KIF16B: variants seen among roughly 807,000 people sequenced by gnomAD.
The protein encoded by KIF16B is kinesin family member 16B.
KIF16B carries 98 observed loss-of-function variants against 156.3 expected under a neutral mutation model. That is an observed-to-expected ratio of 0.63 (90% confidence interval 0.53 to 0.74). KIF16B has a LOEUF of 0.74. KIF16B is among the 30% of genes least tolerant of loss of function. The pLI is 0.00. For missense variants in KIF16B, 1,421 were observed against 1,606.5 expected, an observed-to-expected ratio of 0.88 and a Z score of 1.97; for synonymous variants, 564 against 583.7, an observed-to-expected ratio of 0.97 and a Z score of 0.49.
At chr20:16,364,148 C>A (rs2064608011) in intron 22 of KIF16B, among the ~76,000 whole-genome samples, 1 of 152,158 alleles carries the variant, frequency 6.6e-6, no homozygotes, top group African/African-American at 2.4e-5. Context: ...GGGATGCATG[C>A]ACATTTTTAA....
intron 1 of KIF16B, among the ~76,000 whole-genome samples, chr20:16,537,551 G>A (rs1316057325): frequency 2.0e-5 from 3 of 151,538 alleles, no homozygotes; most frequent in African/African-American, 7.3e-5. Flanking sequence ...TTAAACAAAT[G>A]GCTCTTACCC....
At chr20:16,283,356 A>C (rs757392812) in intron 25 of KIF16B, among the ~76,000 whole-genome samples, 4 of 152,118 alleles carry the variant, frequency 2.6e-5, no homozygotes, top group Non-Finnish European at 5.9e-5. Context: ...CCCTCTTTGC[A>C]CAGAGCCTGG....
chr20:16,396,470 A>G (rs1456048765), intron 17 of KIF16B, among the ~76,000 whole-genome samples: 1 of 152,072 alleles, frequency 6.6e-6, no homozygotes, highest in Non-Finnish European at 1.5e-5. Context: ...CTAAAGTCCA[A>G]TATTAATCCA....
At chr20:16,500,343 T>C (rs1282288782) in intron 10 of KIF16B, among the ~76,000 whole-genome samples, 1 of 152,164 alleles carries the variant, frequency 6.6e-6, no homozygotes, top group African/African-American at 2.4e-5. Flanking sequence ...TGTTATGATG[T>C]TGTCTTATGT....
At chr20:16,410,049 T>TACATATATATATATGTA (rs1568948368) in intron 15 of KIF16B, among the ~76,000 whole-genome samples, 3 of 31,008 alleles carry the variant, frequency 9.7e-5, no homozygotes, top group Admixed American at 3.8e-4. Flanking sequence ...ATATATATGT[T>TACATATATATATATGTA]GGTACATATA....
At chr20:16,305,956 T>C (rs1305336852) in intron 25 of KIF16B, among the ~76,000 whole-genome samples, 1 of 152,186 alleles carries the variant, frequency 6.6e-6, no homozygotes, top group Non-Finnish European at 1.5e-5. Context: ...TTATCAATCA[T>C]GTTTTAAACC....
At chr20:16,477,997 G>A (rs2067867069) in intron 12 of KIF16B, among the ~76,000 whole-genome samples, 1 of 152,166 alleles carries the variant, frequency 6.6e-6, no homozygotes, top group African/African-American at 2.4e-5. Flanking sequence ...GACCTCAGAA[G>A]GTACCGATGG....
chr20:16,355,441 G>T (rs1005246102), intron 23 of KIF16B, among the ~76,000 whole-genome samples: 1 of 152,186 alleles, frequency 6.6e-6, no homozygotes, highest in Non-Finnish European at 1.5e-5. Context: ...AATTGCAGCG[G>T]GGTCACAGTC....
chr20:16,469,561 TAAA>T (rs368181137), intron 12 of KIF16B, among the ~76,000 whole-genome samples: 16 of 110,294 alleles, frequency 1.5e-4, no homozygotes, highest in African/African-American at 1.4e-4. Context: ...CCACCTTAAC[TAAA>T]AAAAAAAAAA....
In KIF16B at chr20:16,379,344, C is replaced by G. The variant is rs141333019; in HGVS notation, c.2658G>C (p.Thr886=). The G allele has an allele frequency of 3.1e-6, 5 of 1,605,516 alleles. No homozygotes were observed. Among genetic ancestry groups the G allele is most frequent in the Non-Finnish European group, 2.5e-6 (3 of 1,176,608 alleles). ...EKHDESVTDV[T]EVPQDFEKIK... is the part of the protein sequence containing the mutation. ...TTTTCTCGAAATCTTGAGGCACTTC[C>G]GTGACATCTGTGACACTCTCATCAT... Residue 886 remains threonine, a synonymous_variant, in exon 19 of 26, where the codon ACG becomes ACC. Transcript: ENST00000354981.
intron 25 of KIF16B, among the ~76,000 whole-genome samples, chr20:16,280,555 C>T (rs1377358558): frequency 6.6e-6 from 1 of 152,164 alleles, no homozygotes; most frequent in African/African-American, 2.4e-5. Flanking sequence ...ATGTGAGCCC[C>T]TAAGACACCC....
rs765352635 is a variant in KIF16B, at chr20:16,505,862, A to G, written c.869-9T>C. 6.2e-7 allele frequency: 1 copy of G among 1,613,366 alleles called. No homozygotes were observed. The highest frequency in any genetic ancestry group is 1.1e-5 in the South Asian group (1 of 90,872). ...ATCCTGAGATAAATCAGCTATGAAA[A>G]GGAAGAAACAAAGGGGAGAAAGGAC... On this transcript the variant is annotated splice_polypyrimidine_tract_variant and intron_variant, in intron 8 of 25. Coordinates refer to ENST00000354981, the MANE Select transcript of KIF16B (RefSeq NM_024704.5).
At chr20:16,313,610 A>G (rs895534817) in intron 24 of KIF16B, among the ~76,000 whole-genome samples, 2 of 152,110 alleles carry the variant, frequency 1.3e-5, no homozygotes, top group Admixed American at 6.6e-5. Context: ...ACAAAAGTTA[A>G]CGCAGGCCTG....
chr20:16,496,686 T>C (rs1002573841), intron 11 of KIF16B, among the ~76,000 whole-genome samples: 6 of 152,198 alleles, frequency 3.9e-5, no homozygotes, highest in African/African-American at 1.4e-4. Flanking sequence ...TAAGAAACAA[T>C]TTAAGACTAT....
At chr20:16,477,584 A>G (rs1443331335) in intron 12 of KIF16B, among the ~76,000 whole-genome samples, 1 of 152,174 alleles carries the variant, frequency 6.6e-6, no homozygotes, top group East Asian at 1.9e-4. Flanking sequence ...ATGTTATTTA[A>G]GGGGGTTTAT....
Position 16,512,870 on chromosome 20 carries a change from A to G in KIF16B, c.402T>C (p.Asn134=), listed in dbSNP as rs200726877. The G allele has an allele frequency of 2.2e-5, 36 of 1,614,070 alleles. No homozygotes were observed. In the East Asian group the frequency reaches 7.1e-4, roughly 32 times the overall value. The change falls in exon 5 of 26, where the codon AAT becomes AAC. Residue 134 remains asparagine (N), a synonymous_variant. Coordinates refer to ENST00000354981, the MANE Select transcript of KIF16B (RefSeq NM_024704.5). ...AAGCTTCATCCCATCTGGTGGTTTC[A>G]TTTATCCGACTGAAGAGTCCTTCAC... is the stretch of plus-strand genomic sequence containing the variant. ...RICEGLFSRI[N]ETTRWDEASF... is the part of the protein sequence containing the mutation.
intron 12 of KIF16B, among the ~76,000 whole-genome samples, chr20:16,434,702 G>C (rs996053020): frequency 6.6e-6 from 1 of 151,934 alleles, no homozygotes. Flanking sequence ...TGATTATTTG[G>C]TTCTATAGGG....
intron 17 of KIF16B, among the ~76,000 whole-genome samples, chr20:16,382,895 G>C (rs1174695302): frequency 6.6e-6 from 1 of 152,128 alleles, no homozygotes; most frequent in Non-Finnish European, 1.5e-5. Flanking sequence ...ATCCTGATTG[G>C]AAACAATTAC....
rs200128578 is a variant in KIF16B, at chr20:16,409,948, CATATATATATATATATATATACAT to C, written c.1613-3516_1613-3493del. Among the ~76,000 whole-genome samples the C allele has an allele frequency of 7.1e-4, 39 of 54,936 alleles. 1 individual carries two copies. The highest frequency in any genetic ancestry group is 0.01 in the Middle Eastern group (1 of 100). 36.0% of individuals were successfully genotyped at this position (54,936 alleles called of 152,430 possible). A position where few individuals can be genotyped will look rare whatever the true frequency, so the allele number is the denominator to read the frequency against. On this transcript the variant is annotated intron_variant, in intron 15 of 25. Transcript: ENST00000354981. ...ATCTACCTTCCTACCCACTTACCTA[CATATATATATATATATATATACAT>C]ATATATATATATATATATATGTAGG...
Sources: allele counts gnomAD v4.1 joint callset (sites outside exome capture counted in the v4.1 genomes callset), GRCh38; gene constraint gnomAD v4.1.1; transcripts MANE v1.5; gene names NCBI Gene and HGNC (gene_info 2026-07-23, HGNC 2026-07-21).